The following PHKG2 variants were observed in gnomAD, a reference collection of about 807,000 sequenced individuals.
PHKG2 encodes phosphorylase b kinase gamma catalytic chain, liver/testis isoform.
A neutral mutation model predicts 44.5 loss-of-function variants in PHKG2; 28 were observed. The observed-to-expected ratio is 0.63, with a 90% CI of 0.47 to 0.86. The LOEUF (loss-of-function observed/expected upper bound fraction) is 0.86, where lower values mean the gene tolerates loss of function less well. PHKG2 is among the 40% of genes least tolerant of loss of function. The pLI is 0.00. For synonymous variants in PHKG2, 220 were observed against 211.2 expected (o/e 1.04, Z -0.36); for missense variants, 498 against 547.5 (o/e 0.91, Z 0.90).
intron 6 of PHKG2, among the ~76,000 whole-genome samples, chr16:30,753,855 A>T (rs1050503260): frequency 1.3e-5 from 2 of 152,176 alleles, no homozygotes; most frequent in African/African-American, 4.8e-5. Context: ...AGAGGAGGTA[A>T]AAAAGGGAGC....
In PHKG2 at chr16:30,751,173, A is replaced by G; in HGVS notation, c.163A>G (p.Met55Val). 6.2e-7 allele frequency: 1 copy of G among 1,614,014 alleles called. No individual in the cohort carries two copies. The highest frequency in any genetic ancestry group is 8.5e-7 in the Non-Finnish European group (1 of 1,180,036). ...TGGCCACGAGTTTGCGGTGAAGATT[A>G]TGGAAGTGACAGCTGAGCGGCTGAG... is the stretch of plus-strand genomic sequence containing the variant. ...ATGHEFAVKI[M>V]EVTAERLSPE... Residue 55 changes from methionine to valine, a missense_variant, in exon 3 of 10, where the codon ATG becomes GTG. Coordinates refer to ENST00000563588, the MANE Select transcript of PHKG2 (RefSeq NM_000294.3).
chr16:30,753,262 C>T lies in PHKG2; in HGVS notation c.357C>T (p.Leu119=), dbSNP rs763509347. 3 of 1,614,068 alleles carry T rather than the reference C, an allele frequency of 1.9e-6. No homozygotes were observed. The highest frequency in any genetic ancestry group is 2.2e-5 in the South Asian group (2 of 91,078). The change falls in exon 5 of 10, where the codon CTC becomes CTT. Residue 119 remains leucine (L), a synonymous_variant. Coordinates refer to ENST00000563588, the MANE Select transcript of PHKG2 (RefSeq NM_000294.3). ...LMRKGELFDY[L]TEKVALSEKE... ...GGAAGGGAGAGCTGTTTGACTATCT[C>T]ACAGAGAAGGTGGCCCTCTCTGAAA...
chr16:30,758,971 G>A lies in PHKG2; in HGVS notation c.*1874G>A, dbSNP rs910187950. ...CATCCAAACCCTTCATTCTACACCTGCTCAGAGGGACAGGGCAGCCTGCCC... is the reference window on the plus strand; with the variant it reads ...CATCCAAACCCTTCATTCTACACCTACTCAGAGGGACAGGGCAGCCTGCCC... On this transcript the variant is annotated 3_prime_UTR_variant, in exon 10 of 10. Coordinates refer to ENST00000563588, the MANE Select transcript of PHKG2 (RefSeq NM_000294.3). 2 of 1,612,326 alleles carry A rather than the reference G, an allele frequency of 1.2e-6. No individual in the cohort carries two copies.
Position 30,758,541 on chromosome 16 carries a change from G to C in PHKG2, c.*1444G>C. 4.8e-6 allele frequency: 1 copy of C among 209,044 alleles called. No individual in the cohort carries two copies. Among genetic ancestry groups the C allele is most frequent in the Non-Finnish European group, 9.7e-6 (1 of 103,018 alleles). The allele number at this position is 209,044 out of a possible 1,614,324, so 12.9% of individuals were successfully genotyped here. A position where few individuals can be genotyped will look rare whatever the true frequency, so the allele number is the denominator to read the frequency against. On this transcript the variant is annotated 3_prime_UTR_variant, in exon 10 of 10. Transcript: ENST00000563588. ...TGATCATTTCTCTGGAGCCACTTCA[G>C]CTGTGCTTTTTGTTTGTTTGTTTGT... is the stretch of plus-strand genomic sequence containing the variant.
rs1596708759 is a variant in PHKG2 at position 30,759,867 on chromosome 16, C to A, written c.*2770C>A. 2 of 1,456,276 alleles carry A rather than the reference C, an allele frequency of 1.4e-6. No homozygotes were observed. Among genetic ancestry groups the A allele is most frequent in the Non-Finnish European group, 1.8e-6 (2 of 1,108,264 alleles). 90.2% of individuals were successfully genotyped at this position (1,456,276 alleles called of 1,614,324 possible). On this transcript the variant is annotated 3_prime_UTR_variant, in exon 10 of 10. Transcript: ENST00000563588. ...TGGCTTGTTTCCTTAACTCATGTAA[C>A]AAATACTGAATACCCACTATATGCC...
In PHKG2 at chr16:30,761,128, C is replaced by T. The variant is rs1022868307; in HGVS notation, c.*4031C>T. ...CTGTAAAATGGGGATGCCCTGGCCA[C>T]AGACAGGACTGTTGGGGAGACAATA... is the stretch of plus-strand genomic sequence containing the variant. On this transcript the variant is annotated 3_prime_UTR_variant, in exon 10 of 10. Coordinates refer to ENST00000563588, the MANE Select transcript of PHKG2 (RefSeq NM_000294.3). 5 of 1,550,988 alleles carry T rather than the reference C, an allele frequency of 3.2e-6. No individual in the cohort carries two copies. In the Admixed American group the frequency reaches 8.5e-5, roughly 26 times the overall value.
At chr16:30,749,417 G>A (rs922626764) in intron 2 of PHKG2, among the ~76,000 whole-genome samples, 1 of 152,126 alleles carries the variant, frequency 6.6e-6, no homozygotes, top group Admixed American at 6.5e-5. Context: ...GCGCGATCTC[G>A]GCTCACTACA....
intron 2 of PHKG2, among the ~76,000 whole-genome samples, chr16:30,750,751 G>A (rs1450949393): frequency 1.4e-5 from 2 of 145,414 alleles, no homozygotes; most frequent in South Asian, 2.3e-4. Flanking sequence ...AATCAGGCAA[G>A]TGTAAGTGGA....
rs1300596673 is a variant in PHKG2, at chr16:30,759,099, T to G, written c.*2002T>G. 6 of 1,614,188 alleles carry G rather than the reference T, an allele frequency of 3.7e-6. No individual in the cohort carries two copies. The highest frequency in any genetic ancestry group is 5.1e-6 in the Non-Finnish European group (6 of 1,180,024). ...TCCTCCATCTCCTTGCTTTCTTCTT[T>G]CTCTGCAAACCAGAAGCAGGAAGAG... On this transcript the variant is annotated 3_prime_UTR_variant, in exon 10 of 10. Coordinates refer to ENST00000563588, the MANE Select transcript of PHKG2 (RefSeq NM_000294.3).
intron 2 of PHKG2, among the ~76,000 whole-genome samples, chr16:30,749,645 A>T (rs2053319272): frequency 6.6e-6 from 1 of 152,154 alleles, no homozygotes; most frequent in Non-Finnish European, 1.5e-5. Context: ...CGCCTGGTTG[A>T]CTGAATAGTT....
Position 30,758,755 on chromosome 16 carries a change from G to A in PHKG2, c.*1658G>A. Reference sequence around the variant, plus strand: ...ATTTTAGTAGATAGGGGGTTTCACGGTGTTGCCCAGGCTGGTCGCGAACTC... The same window carrying A: ...ATTTTAGTAGATAGGGGGTTTCACGATGTTGCCCAGGCTGGTCGCGAACTC... On this transcript the variant is annotated 3_prime_UTR_variant, in exon 10 of 10. Coordinates refer to ENST00000563588, the MANE Select transcript of PHKG2 (RefSeq NM_000294.3). 1 of 531,740 alleles carries A rather than the reference G, an allele frequency of 1.9e-6. No homozygotes were observed. Among genetic ancestry groups the A allele is most frequent in the Non-Finnish European group, 3.3e-6 (1 of 302,484 alleles). The allele number at this position is 531,740 out of a possible 1,614,324, so 32.9% of individuals were successfully genotyped here.
At chr16:30,752,041 C>A (rs1033875003) in intron 4 of PHKG2, 6 of 264,956 alleles carry the variant, frequency 2.3e-5, no homozygotes, top group Admixed American at 4.8e-5. Flanking sequence ...TGCAGTGAGC[C>A]CAGATTGCGC....
At position 30,760,375 on chromosome 16, in the gene PHKG2, G is replaced by A. The variant is rs745955837; in HGVS notation, c.*3278G>A. The A allele has an allele frequency of 5.6e-6, 9 of 1,614,228 alleles. No homozygotes were observed. Among genetic ancestry groups the A allele is most frequent in the Admixed American group, 3.3e-5 (2 of 60,032 alleles). Reference sequence around the variant, plus strand: ...CCTGCTGGCGGCAGAAAATGAGCGCGTGGCAGAAGAGGTCCAGGGTGATGG... The same window carrying A: ...CCTGCTGGCGGCAGAAAATGAGCGCATGGCAGAAGAGGTCCAGGGTGATGG... On this transcript the variant is annotated 3_prime_UTR_variant, in exon 10 of 10. Transcript: ENST00000563588.
At chr16:30,752,854 G>T in intron 4 of PHKG2, 1 of 320,082 alleles carries the variant, frequency 3.1e-6, no homozygotes, top group Non-Finnish European at 6.0e-6. Context: ...TTTTAAAGAC[G>T]AAACTTCAAA....
At position 30,760,851 on chromosome 16, in the gene PHKG2, T is replaced by C. The variant is rs1171792584; in HGVS notation, c.*3754T>C. On this transcript the variant is annotated 3_prime_UTR_variant, in exon 10 of 10. Transcript: ENST00000563588. ...AAATGAACTCTTATGAGCCTCTCCA[T>C]TTCTAAAGCCTAGGGTTAGGAATCT... 2 of 638,718 alleles carry C rather than the reference T, an allele frequency of 3.1e-6. No homozygotes were observed. Among genetic ancestry groups the C allele is most frequent in the Non-Finnish European group, 5.6e-6 (2 of 360,064 alleles). 39.6% of individuals were successfully genotyped at this position (638,718 alleles called of 1,614,324 possible). A position where few individuals can be genotyped will look rare whatever the true frequency, so the allele number is the denominator to read the frequency against.
chr16:30,757,393 G>A lies in PHKG2; in HGVS notation c.*296G>A. On this transcript the variant is annotated 3_prime_UTR_variant, in exon 10 of 10. Coordinates refer to ENST00000563588, the MANE Select transcript of PHKG2 (RefSeq NM_000294.3). The stretch of plus-strand genomic sequence containing the variant: ...GGTGTCCTGTGTCTGTCTGGCTTGG[G>A]CAGGAAAGCCCAGAAGGTGCTCAGC... 1 of 1,547,722 alleles carries A rather than the reference G, an allele frequency of 6.5e-7. No homozygotes were observed. The highest frequency in any genetic ancestry group is 2.3e-5 in the East Asian group (1 of 44,328).
At position 30,749,234 on chromosome 16, in the gene PHKG2, G is replaced by GTGGTGGTGCTGGTGC. The variant is rs797012735; in HGVS notation, c.95+334_95+348dup. Among the ~76,000 whole-genome samples the GTGGTGGTGCTGGTGC allele has an allele frequency of 3.9e-4, 57 of 144,682 alleles. No homozygotes were observed. The East Asian group carries it at 0.01, about 27-fold the overall frequency. The allele number at this position is 144,682 out of a possible 152,430, so 94.9% of individuals were successfully genotyped here. Reference sequence around the variant, plus strand: ...GTGTGTGTGTGTGTGTCTTTCGGTGGTGGTGGTGCTGGTGCTGGTGGTGCT... The same window carrying GTGGTGGTGCTGGTGC: ...GTGTGTGTGTGTGTGTCTTTCGGTGGTGGTGGTGCTGGTGCTGGTGGTGCTGGTGCTGGTGGTGCT... On this transcript the variant is annotated intron_variant, in intron 2 of 9. Transcript: ENST00000563588.
At position 30,759,955 on chromosome 16, in the gene PHKG2, C is replaced by G. The variant is rs938464523; in HGVS notation, c.*2858C>G. On this transcript the variant is annotated 3_prime_UTR_variant, in exon 10 of 10. Transcript: ENST00000563588. ...GTCCTGCCCTTACGAAGCTTATATTCTAGGGGAATAAACCAAGAAATAGAT... is the reference window on the plus strand; with the variant it reads ...GTCCTGCCCTTACGAAGCTTATATTGTAGGGGAATAAACCAAGAAATAGAT... The G allele has an allele frequency of 3.5e-6, 5 of 1,447,112 alleles. No homozygotes were observed. In the Admixed American group the frequency reaches 1.1e-4, roughly 31 times the overall value. 89.6% of individuals were successfully genotyped at this position (1,447,112 alleles called of 1,614,324 possible).
chr16:30,751,121 G>C lies in PHKG2; in HGVS notation c.111G>C (p.Val37=). The C allele has an allele frequency of 1.2e-6, 2 of 1,613,712 alleles. No individual in the cohort carries two copies. Among genetic ancestry groups the C allele is most frequent in the South Asian group, 2.2e-5 (2 of 91,082 alleles). The change falls in exon 3 of 10, where the codon GTG becomes GTC. Residue 37 remains valine (V), a synonymous_variant. Transcript: ENST00000563588. ...GCTCTTGCAGAGGAGTGAGCTCTGT[G>C]GTCCGCCGTTGTGTTCATCGAGCTA... ...KDVIGRGVSS[V]VRRCVHRATG...
Sources: allele counts gnomAD v4.1 joint callset (sites outside exome capture counted in the v4.1 genomes callset), GRCh38; gene constraint gnomAD v4.1.1; transcripts MANE v1.5; gene names NCBI Gene and HGNC (gene_info 2026-07-23, HGNC 2026-07-21).